HDGFL3: variants seen among roughly 807,000 people sequenced by gnomAD.
HDGFL3 encodes the protein HDGF like 3.
In HDGFL3, 6 loss-of-function variants were observed where a neutral mutation model predicts 27.6. The observed-to-expected ratio is 0.22, with a 90% confidence interval of 0.12 to 0.43. The LOEUF (loss-of-function observed/expected upper bound fraction) is 0.43. Among genes scored for constraint, HDGFL3 ranks in the 20% least tolerant of loss-of-function variants. HDGFL3 has a pLI of 1.00. For missense variants in HDGFL3, 207 were observed against 250.1 expected (o/e 0.83, Z 1.16); for synonymous variants, 88 against 88.9 (o/e 0.99, Z 0.05).
At chr15:83,145,501 T>G (rs1207045177) in intron 5 of HDGFL3, among the ~76,000 whole-genome samples, 1 of 152,168 alleles carries the variant, frequency 6.6e-6, no homozygotes, top group Middle Eastern at 3.2e-3. Context: ...GCTCTTGTAC[T>G]ACTACTTGCC....
intron 1 of HDGFL3, among the ~76,000 whole-genome samples, chr15:83,178,578 T>C (rs893851619): frequency 6.6e-6 from 1 of 152,068 alleles, no homozygotes; most frequent in African/African-American, 2.4e-5. Flanking sequence ...GTGGGAGGAT[T>C]GCCTGAGCCC....
rs1390127343 is a variant in HDGFL3 at position 83,129,263 on chromosome 15, T to C, written c.*10007A>G. 1 of 152,238 alleles carries C rather than the reference T, an allele frequency of 6.6e-6. No individual in the cohort carries two copies. The highest frequency in any genetic ancestry group is 1.5e-5 in the Non-Finnish European group (1 of 68,040). The allele number at this position is 152,238 out of a possible 1,614,324, so 9.4% of individuals were successfully genotyped here. ...CCACGTTAAAAGTTTTACTTACCTA[T>C]TTGTCTAAGGATAGGCTATGTGCTC... On this transcript the variant is annotated 3_prime_UTR_variant, in exon 6 of 6. Coordinates refer to ENST00000299633, the MANE Select transcript of HDGFL3 (RefSeq NM_016073.4).
intron 1 of HDGFL3, among the ~76,000 whole-genome samples, chr15:83,183,439 CCAA>C (rs1254900324): frequency 2.7e-4 from 41 of 152,104 alleles, no homozygotes; most frequent in African/African-American, 9.4e-4. Flanking sequence ...AAAAACTGAA[CCAA>C]CAAGAACCTT....
At chr15:83,161,606 C>A (rs979833366) in intron 2 of HDGFL3, among the ~76,000 whole-genome samples, 1 of 152,122 alleles carries the variant, frequency 6.6e-6, no homozygotes, top group African/African-American at 2.4e-5. Context: ...AGGAAGCATT[C>A]TTTTATGAAT....
intron 5 of HDGFL3, chr15:83,144,576 G>C (rs1025168818): frequency 6.6e-6 from 3 of 455,362 alleles, no homozygotes; most frequent in Non-Finnish European, 8.8e-6. Context: ...CAAGGCATCA[G>C]AGGAGGCCTC....
At chr15:83,180,297 T>A (rs1280273296) in intron 1 of HDGFL3, among the ~76,000 whole-genome samples, 1 of 151,470 alleles carries the variant, frequency 6.6e-6, no homozygotes, top group Non-Finnish European at 1.5e-5. Flanking sequence ...AATAAAGGAG[T>A]CTCTATGCAT....
At chr15:83,193,068 G>C (rs1181137775) in intron 1 of HDGFL3, among the ~76,000 whole-genome samples, 1 of 150,730 alleles carries the variant, frequency 6.6e-6, no homozygotes, top group Non-Finnish European at 1.5e-5. Context: ...CACTGTCATG[G>C]GACATCTCTT....
intron 2 of HDGFL3, 60 bp from the exon 3 acceptor site, chr15:83,158,101 A>G: frequency 7.1e-7 from 1 of 1,410,508 alleles, no homozygotes; most frequent in South Asian, 1.3e-5. Flanking sequence ...AGATATTTTA[A>G]ATATCAGTAT....
At chr15:83,150,492 A>C (rs1029260659) in intron 5 of HDGFL3, among the ~76,000 whole-genome samples, 6 of 152,184 alleles carry the variant, frequency 3.9e-5, no homozygotes, top group African/African-American at 1.4e-4. Flanking sequence ...ATGAAGGAAG[A>C]AAAGAGTTGA....
intron 5 of HDGFL3, among the ~76,000 whole-genome samples, chr15:83,145,071 G>C (rs1441873950): frequency 6.6e-6 from 1 of 151,648 alleles, no homozygotes; most frequent in South Asian, 2.1e-4. Context: ...GGAGCAAAAA[G>C]GGACCCTCGT....
At chr15:83,146,766 CTT>C (rs2036901329) in intron 5 of HDGFL3, among the ~76,000 whole-genome samples, 1 of 152,216 alleles carries the variant, frequency 6.6e-6, no homozygotes, top group Non-Finnish European at 1.5e-5. Flanking sequence ...TCAAGCAAGC[CTT>C]TAGTATTACC....
At chr15:83,180,465 CAT>C (rs992061052) in intron 1 of HDGFL3, among the ~76,000 whole-genome samples, 8 of 151,898 alleles carry the variant, frequency 5.3e-5, no homozygotes, top group African/African-American at 1.5e-4. Flanking sequence ...AAAACCCTAA[CAT>C]GTGATGTTGT....
Position 83,164,030 on chromosome 15 carries a change from A to G in HDGFL3, c.130T>C (p.Tyr44His). Residue 44 changes from tyrosine to histidine, a missense_variant, in exon 2 of 6, where the codon TAT becomes CAT. Tyr to His is a moderately conservative substitution (Grantham distance 83). Coordinates refer to ENST00000299633, the MANE Select transcript of HDGFL3 (RefSeq NM_016073.4). Reference protein sequence around the residue: ...EGAVKPPANKYPIFFFGTHET... With the variant: ...EGAVKPPANKHPIFFFGTHET... ...TGGGTGCCAAAAAAGAAGATAGGAT[A>G]CTTGTTTGCTGGAGGCTTCACAGCG... 1 of 1,611,914 alleles carries G rather than the reference A, an allele frequency of 6.2e-7. No individual in the cohort carries two copies. Among genetic ancestry groups the G allele is most frequent in the Non-Finnish European group, 8.5e-7 (1 of 1,179,244 alleles).
intron 1 of HDGFL3, among the ~76,000 whole-genome samples, chr15:83,193,304 T>C (rs933727772): frequency 2.0e-5 from 3 of 151,938 alleles, no homozygotes; most frequent in Non-Finnish European, 4.4e-5. Context: ...AAAGAAGACA[T>C]ACAAATGGCC....
intron 5 of HDGFL3, among the ~76,000 whole-genome samples, chr15:83,142,210 C>G (rs1458619371): frequency 6.6e-6 from 1 of 152,142 alleles, no homozygotes; most frequent in Non-Finnish European, 1.5e-5. Context: ...ACCATAAAGA[C>G]ACATGCATGA....
chr15:83,183,212 A>C (rs555773613), intron 1 of HDGFL3, among the ~76,000 whole-genome samples: 1 of 152,314 alleles, frequency 6.6e-6, no homozygotes, highest in South Asian at 2.1e-4. Context: ...ATTGGGTACT[A>C]TGTTTATTAC....
chr15:83,206,340 A>G (rs1369715283), intron 1 of HDGFL3, among the ~76,000 whole-genome samples: 4 of 152,172 alleles, frequency 2.6e-5, no homozygotes, highest in Non-Finnish European at 5.9e-5. Flanking sequence ...ATACCAATAT[A>G]ATCTCTAGAA....
intron 1 of HDGFL3, chr15:83,189,619 G>A (rs1021398260): frequency 1.6e-4 from 24 of 151,948 alleles, no homozygotes; most frequent in African/African-American, 5.6e-4. Flanking sequence ...ATATTACTCT[G>A]CTTGCTTACT....
chr15:83,158,824 A>T (rs1390547712), intron 2 of HDGFL3, among the ~76,000 whole-genome samples: 1 of 152,144 alleles, frequency 6.6e-6, no homozygotes, highest in Non-Finnish European at 1.5e-5. Flanking sequence ...GTACCACGTT[A>T]GTATATTTAT....
Sources: allele counts gnomAD v4.1 joint callset (sites outside exome capture counted in the v4.1 genomes callset), GRCh38; gene constraint gnomAD v4.1.1; transcripts MANE v1.5; gene names NCBI Gene and HGNC (gene_info 2026-07-23, HGNC 2026-07-21).